Variants in CABLES2 observed in about 807,000 individuals in gnomAD.
CABLES2 encodes the protein CDK5 and ABL1 enzyme substrate 2.
A neutral mutation model predicts 44.8 loss-of-function variants in CABLES2; 35 were observed. The observed-to-expected ratio is 0.78, with a 90% CI of 0.60 to 1.04. The LOEUF (loss-of-function observed/expected upper bound fraction) is 1.04. Among genes scored for constraint, CABLES2 ranks in the 50% least tolerant of loss-of-function variants. CABLES2 has a pLI of 0.00. For missense variants in CABLES2, 566 were observed against 615.7 expected, an observed-to-expected ratio of 0.92 and a Z score of 0.85; for synonymous variants, 282 against 281.1, an observed-to-expected ratio of 1.00 and a Z score of -0.03.
rs781646273 is a variant in CABLES2, at chr20:62,396,318, C to T, written c.524G>A (p.Ser175Asn). The T allele has an allele frequency of 6.2e-7, 1 of 1,613,648 alleles. No homozygotes were observed. Among genetic ancestry groups the T allele is most frequent in the Non-Finnish European group, 8.5e-7 (1 of 1,179,698 alleles). Residue 175 changes from serine to asparagine, a missense_variant, in exon 3 of 10, where the codon AGC (serine) becomes AAC (asparagine). Transcript: ENST00000279101. The surrounding 1 kb of genome is among the most constrained non-coding windows in gnomAD (Gnocchi z 5.7). ...KNMRQYDTRN[S>N]RIVLICAKRS... Reference sequence around the variant, plus strand: ...GGTTCCCGGCTCCGCTTCATACCTGCTGTTCCTGGTGTCGTACTGCCTCAT... The same window carrying T: ...GGTTCCCGGCTCCGCTTCATACCTGTTGTTCCTGGTGTCGTACTGCCTCAT...
intron 4 of CABLES2, 61 bp from the exon 5 acceptor site, chr20:62,394,326 A>G (rs1160921925): frequency 7.9e-6 from 11 of 1,386,444 alleles, no homozygotes; most frequent in African/African-American, 1.4e-5. Context: ...CTGGCAGCCC[A>G]GCCCACCTGT....
rs1264529319 is a variant in CABLES2 at position 62,406,994 on chromosome 20, C to A, written c.283G>T (p.Ala95Ser). The change falls in exon 1 of 10, where the codon GCC becomes TCC. Residue 95 changes from alanine (A) to serine (S), a missense_variant. Around this residue, in one of 2 missense-constraint regions of CABLES2, gnomAD observed 436 missense variants for 536.3 expected, o/e 0.81. Transcript: ENST00000279101. ...AGGCCCTGGGGCGCGGGGGTCCTGGCGGGCAGCCCGGTGGGGGGCTCCGGC... is the reference window on the plus strand; with the variant it reads ...AGGCCCTGGGGCGCGGGGGTCCTGGAGGGCAGCCCGGTGGGGGGCTCCGGC... ...PPPEPPTGLPARTPAPQGLLS... is the reference protein window; with the variant it reads ...PPPEPPTGLPSRTPAPQGLLS... 7 of 1,192,622 alleles carry A rather than the reference C, an allele frequency of 5.9e-6. No individual in the cohort carries two copies. The highest frequency in any genetic ancestry group is 7.3e-6 in the Non-Finnish European group (7 of 962,802). The allele number at this position is 1,192,622 out of a possible 1,614,324, so 73.9% of individuals were successfully genotyped here. A position where few individuals can be genotyped will look rare whatever the true frequency, so the allele number is the denominator to read the frequency against.
intron 6 of CABLES2, 125 bp from the exon 7 acceptor site, chr20:62,393,148 C>A: frequency 1.1e-6 from 1 of 874,936 alleles, no homozygotes; most frequent in South Asian, 1.6e-5. Flanking sequence ...GGCCATGGTT[C>A]TCTCCTGAAG....
chr20:62,395,014 C>T lies in CABLES2; in HGVS notation c.528G>A (p.Arg176=). The T allele has an allele frequency of 6.2e-7, 1 of 1,612,794 alleles. No homozygotes were observed. Among genetic ancestry groups the T allele is most frequent in the Non-Finnish European group, 8.5e-7 (1 of 1,179,836 alleles). The change falls in exon 4 of 10, where the codon AGG becomes AGA. Residue 176 remains arginine, a splice_region_variant and synonymous_variant. Coordinates refer to ENST00000279101, the MANE Select transcript of CABLES2 (RefSeq NM_031215.3). ...ACCGCTTGGCACAGATGAGCACGAT[C>T]CTGCAGGGGGACGGAGTCAGGGGAG... ...NMRQYDTRNS[R]IVLICAKRSL...
chr20:62,402,113 A>AGGGGTTG (rs1262968538), intron 1 of CABLES2: 13 of 150,378 alleles, frequency 8.6e-5, no homozygotes, highest in Admixed American at 8.6e-4. Flanking sequence ...CTTGGGAAGA[A>AGGGGTTG]GGGGTTGGGG....
At chr20:62,398,215 G>GGTA (rs1988112085) in intron 1 of CABLES2, among the ~76,000 whole-genome samples, 6 of 84,746 alleles carry the variant, frequency 7.1e-5, no homozygotes, top group African/African-American at 1.2e-4. Flanking sequence ...ATGGTGATGT[G>GGTA]ATGGTGGTGG....
At chr20:62,399,857 G>A (rs1437681508) in intron 1 of CABLES2, among the ~76,000 whole-genome samples, 3 of 152,170 alleles carry the variant, frequency 2.0e-5, no homozygotes, top group Admixed American at 2.0e-4. Flanking sequence ...GCCTCCCAAA[G>A]TGTCAGGATT....
At chr20:62,394,323 C>G in intron 4 of CABLES2, 58 bp from the exon 5 acceptor site, 3 of 1,401,084 alleles carry the variant, frequency 2.1e-6, no homozygotes, top group Non-Finnish European at 3.0e-6. Flanking sequence ...GCTCTGGCAG[C>G]CCAGCCCACC....
chr20:62,397,972 CAGTGGTGATGGCGGTGGT>C (rs1299383765), intron 1 of CABLES2, among the ~76,000 whole-genome samples: 3 of 51,620 alleles, frequency 5.8e-5, no homozygotes, highest in African/African-American at 2.0e-4. Context: ...ATGGTGGTGA[CAGTGGTGATGGCGGTGGT>C]GGTGATGATG....
chr20:62,393,045 A>G, intron 6 of CABLES2, 22 bp from the exon 7 acceptor site: 2 of 1,596,338 alleles, frequency 1.3e-6, no homozygotes, highest in South Asian at 2.2e-5. Flanking sequence ...GCAACCCCTG[A>G]CCCACCAGGA....
chr20:62,393,164 A>G, intron 6 of CABLES2, 141 bp from the exon 7 acceptor site: 1 of 773,782 alleles, frequency 1.3e-6, no homozygotes, highest in Non-Finnish European at 2.1e-6. Context: ...TGAAGGGCCC[A>G]GGGCTTAGGG....
intron 1 of CABLES2, among the ~76,000 whole-genome samples, chr20:62,397,749 T>C (rs958489126): frequency 6.6e-6 from 1 of 152,242 alleles, no homozygotes; most frequent in African/African-American, 2.4e-5. Flanking sequence ...TAAGGTCCCA[T>C]GCCAGTTGAT....
At chr20:62,400,923 A>G (rs946569765) in intron 1 of CABLES2, among the ~76,000 whole-genome samples, 10 of 152,054 alleles carry the variant, frequency 6.6e-5, no homozygotes, top group African/African-American at 1.9e-4. Flanking sequence ...TTTTGTAAGC[A>G]TCTTATTAGT....
chr20:62,392,387 ACCT>A lies in CABLES2; in HGVS notation c.1090_1091+1del, dbSNP rs746595335. On this transcript the variant is annotated splice_donor_variant and coding_sequence_variant, in exon 8 of 10. Transcript: ENST00000279101. LOFTEE classifies it high-confidence loss of function. ...TGAGATGGTCTGAGAGGGTGTCCTC[ACCT>A]CCTGATTTTGCTCAGCGTCAGTTTG... 8 of 1,609,872 alleles carry A rather than the reference ACCT, an allele frequency of 5.0e-6. No homozygotes were observed. Among genetic ancestry groups the A allele is most frequent in the Non-Finnish European group, 5.1e-6 (6 of 1,176,440 alleles).
rs567662570 is a variant in CABLES2 at position 62,390,803 on chromosome 20, C to G, written c.*168G>C. On this transcript the variant is annotated 3_prime_UTR_variant, in exon 10 of 10. Transcript: ENST00000279101. ...TTGGGGATGAAAGCGACGTCTCTTT[C>G]CAAGGAAATGGCAAAGAGGCAAAAA... The G allele has an allele frequency of 2.8e-5, 20 of 715,796 alleles. No individual in the cohort carries two copies. In the East Asian group the frequency reaches 5.3e-4, roughly 19 times the overall value. The allele number at this position is 715,796 out of a possible 1,614,324, so 44.3% of individuals were successfully genotyped here. A position where few individuals can be genotyped will look rare whatever the true frequency, so the allele number is the denominator to read the frequency against.
Position 62,407,270 on chromosome 20 carries a change from C to G in CABLES2, c.7G>C (p.Ala3Pro), listed in dbSNP as rs985357978. 1 of 541,808 alleles carries G rather than the reference C, an allele frequency of 1.8e-6. No homozygotes were observed. Among genetic ancestry groups the G allele is most frequent in the Non-Finnish European group, 2.3e-6 (1 of 428,108 alleles). The allele number at this position is 541,808 out of a possible 1,614,324, so 33.6% of individuals were successfully genotyped here. The stretch of plus-strand genomic sequence containing the variant: ...CCCGGGGCTCCACCGGCCGCGGCCG[C>G]GGCCATCCTCAGACTGCGCCCGCCG... MAAAAAGGAPGPA... is the reference protein window; with the variant it reads MAPAAAGGAPGPA... Residue 3 changes from alanine to proline, a missense_variant, in exon 1 of 10, where the codon GCG (alanine) becomes CCG (proline). Around this residue, in one of 2 missense-constraint regions of CABLES2, gnomAD observed 130 missense variants for 79.4 expected, o/e 1.64. Coordinates refer to ENST00000279101, the MANE Select transcript of CABLES2 (RefSeq NM_031215.3).
At chr20:62,405,643 G>A (rs1004611996) in intron 1 of CABLES2, 1 of 152,340 alleles carries the variant, frequency 6.6e-6, no homozygotes, top group Admixed American at 6.5e-5. Flanking sequence ...AGACCTTAGA[G>A]GAACCCAATG....
chr20:62,404,694 C>G (rs374304848), intron 1 of CABLES2: 3 of 152,392 alleles, frequency 2.0e-5, no homozygotes, highest in South Asian at 4.1e-4. Context: ...GACGCCTCCC[C>G]CTCCAGGAAC....
chr20:62,399,920 T>G (rs1988158301), intron 1 of CABLES2, among the ~76,000 whole-genome samples: 1 of 152,154 alleles, frequency 6.6e-6, no homozygotes, highest in Admixed American at 6.5e-5. Flanking sequence ...CTCCTGTAAT[T>G]TGTTGGATAC....
Sources: gnomAD v4.1 joint callset for allele counts (sites outside exome capture counted in the v4.1 genomes callset) on GRCh38, gnomAD v4.1.1 for gene constraint, gnomAD v4.1.1 regional missense constraint, Gnocchi (gnomAD v3.1) non-coding constraint, MANE v1.5 for transcripts, NCBI Gene and HGNC (gene_info 2026-07-23, HGNC 2026-07-21) for gene names.